TNNI1: variants seen among roughly 807,000 people sequenced by gnomAD.
TNNI1 encodes the protein troponin I, slow skeletal muscle.
In TNNI1, 14 loss-of-function variants were observed where a neutral mutation model predicts 26.7. That is an observed-to-expected ratio of 0.52 (90% confidence interval 0.35 to 0.82). The LOEUF (loss-of-function observed/expected upper bound fraction) is 0.82, where lower values mean the gene tolerates loss of function less well. Ranked by LOEUF, TNNI1 falls within the 40% of genes least tolerant of loss-of-function variation. The pLI, the probability that TNNI1 is intolerant of heterozygous loss-of-function variation, is 0.01. For missense variants in TNNI1, 164 were observed against 257.0 expected, an observed-to-expected ratio of 0.64 and a Z score of 2.47; for synonymous variants, 79 against 98.2, an observed-to-expected ratio of 0.80 and a Z score of 1.16.
Position 201,404,395 on chromosome 1 carries a change from G to C in TNNI1, c.*4858C>G, listed in dbSNP as rs1247749984. On this transcript the variant is annotated 3_prime_UTR_variant, in exon 9 of 9. Transcript: ENST00000361379. ...GCACTCTTAGGGGAAGGGAAGAAATGAATGAGGTGATAAGACCCACGCCCT... is the reference window on the plus strand; with the variant it reads ...GCACTCTTAGGGGAAGGGAAGAAATCAATGAGGTGATAAGACCCACGCCCT... 6.6e-6 allele frequency: 1 copy of C among 152,180 alleles called. No individual in the cohort carries two copies. Among genetic ancestry groups the C allele is most frequent in the African/African-American group, 2.4e-5 (1 of 41,438 alleles). The allele number at this position is 152,180 out of a possible 1,614,324, so 9.4% of individuals were successfully genotyped here.
At chr1:201,418,485 A>T (rs1453493377) in intron 1 of TNNI1, among the ~76,000 whole-genome samples, 1 of 150,196 alleles carries the variant, frequency 6.7e-6, no homozygotes, top group African/African-American at 2.5e-5. Flanking sequence ...AAAAAAAAAA[A>T]ATAAGTGAGA....
chr1:201,414,507 G>T lies in TNNI1; in HGVS notation c.189+11C>A. The stretch of plus-strand genomic sequence containing the variant: ...AGCCCCACCCTGCCCCGCCCCACCT[G>T]CCAGGCTAACCTGCAGGGCACTGAG... On this transcript the variant is annotated intron_variant, in intron 5 of 8. Coordinates refer to ENST00000361379, the MANE Select transcript of TNNI1 (RefSeq NM_003281.4). 6.4e-7 allele frequency: 1 copy of T among 1,571,918 alleles called. No homozygotes were observed. The highest frequency in any genetic ancestry group is 1.8e-5 in the Admixed American group (1 of 56,192).
At position 201,411,566 on chromosome 1, in the gene TNNI1, G is replaced by C; in HGVS notation, c.280-33C>G. 6.6e-7 allele frequency: 1 copy of C among 1,519,988 alleles called. No homozygotes were observed. The highest frequency in any genetic ancestry group is 8.8e-7 in the Non-Finnish European group (1 of 1,137,600). The allele number at this position is 1,519,988 out of a possible 1,614,324, so 94.2% of individuals were successfully genotyped here. A position where few individuals can be genotyped will look rare whatever the true frequency, so the allele number is the denominator to read the frequency against. ...TGAGAAGCGCCCGGGGCTCACTGGA[G>C]AGGCAGCTAGCCACAGGACACCCTT... On this transcript the variant is annotated intron_variant, in intron 6 of 8. Coordinates refer to ENST00000361379, the MANE Select transcript of TNNI1 (RefSeq NM_003281.4). The surrounding 1 kb of genome is among the most constrained non-coding windows in gnomAD (Gnocchi z 4.6).
At chr1:201,409,313 T>G (rs1414342992) in intron 8 of TNNI1, 63 bp from the exon 9 acceptor site, 1 of 152,268 alleles carries the variant, frequency 6.6e-6, no homozygotes, top group Non-Finnish European at 1.5e-5. Flanking sequence ...CATGAATCCC[T>G]GACTTACCTA....
At position 201,413,092 on chromosome 1, in the gene TNNI1, C is replaced by T. The variant is rs1662666125; in HGVS notation, c.219G>A (p.Val73=). 3 of 1,614,032 alleles carry T rather than the reference C, an allele frequency of 1.9e-6. No homozygotes were observed. Among genetic ancestry groups the T allele is most frequent in the Admixed American group, 1.7e-5 (1 of 60,014 alleles). ...CGTATCGCTCCTCATCCACCACCTC[C>T]ACCTTGGCGTGCAGCTCCCGGCACA... is the stretch of plus-strand genomic sequence containing the variant. ...QDLCRELHAK[V]EVVDEERYDI... is the part of the protein sequence containing the mutation. Residue 73 remains valine, a synonymous_variant, in exon 6 of 9, where the codon GTG becomes GTA. Coordinates refer to ENST00000361379, the MANE Select transcript of TNNI1 (RefSeq NM_003281.4).
In TNNI1 at chr1:201,411,119, GGTCT is replaced by G. The variant is rs1345414283; in HGVS notation, c.456+234_456+237del. Among the ~76,000 whole-genome samples the G allele has an allele frequency of 6.6e-6, 1 of 152,150 alleles. No individual in the cohort carries two copies. The highest frequency in any genetic ancestry group is 1.5e-5 in the Non-Finnish European group (1 of 68,032). On this transcript the variant is annotated intron_variant, in intron 7 of 8. Transcript: ENST00000361379. The surrounding 1 kb of genome is among the most constrained non-coding windows in gnomAD (Gnocchi z 4.6). ...ATTTTTACTTCATTTCTCCGTCTGGGGTCTAGCTTTCTTTATGTCCTAGTTTCTT... is the reference window on the plus strand; with the variant it reads ...ATTTTTACTTCATTTCTCCGTCTGGGAGCTTTCTTTATGTCCTAGTTTCTT...
chr1:201,414,698 G>A lies in TNNI1; in HGVS notation c.58-49C>T, dbSNP rs185133603. 9.6e-4 allele frequency: 1,539 copies of A among 1,594,928 alleles called. 13 individuals are homozygous for A. In the South Asian group the frequency reaches 0.012, roughly 13 times the overall value. On this transcript the variant is annotated intron_variant, in intron 4 of 8. Coordinates refer to ENST00000361379, the MANE Select transcript of TNNI1 (RefSeq NM_003281.4). ...CTGGGGGCCTCACATCTCCCACCCG[G>A]CATCAGGGAATGAGGGGAGGGCAGC...
intron 1 of TNNI1, among the ~76,000 whole-genome samples, chr1:201,418,276 C>T (rs543332364): frequency 2.0e-5 from 3 of 151,974 alleles, no homozygotes; most frequent in Admixed American, 2.0e-4. Flanking sequence ...CAAGACCAGC[C>T]TGGCCAATAT....
chr1:201,419,871 C>T (rs533976989), intron 1 of TNNI1, among the ~76,000 whole-genome samples: 31 of 152,310 alleles, frequency 2.0e-4, no homozygotes, highest in African/African-American at 6.3e-4. Flanking sequence ...GGAGACAATC[C>T]ATGAATTCCT....
intron 6 of TNNI1, 56 bp downstream of exon 6, chr1:201,412,976 G>C: frequency 6.4e-7 from 1 of 1,550,588 alleles, no homozygotes; most frequent in Non-Finnish European, 8.9e-7. Flanking sequence ...CTGCATCCGT[G>C]CCCATGCCCC....
At chr1:201,414,680 C>A in intron 4 of TNNI1, 31 bp from the exon 5 acceptor site, 2 of 1,602,464 alleles carry the variant, frequency 1.2e-6, no homozygotes, top group Non-Finnish European at 1.7e-6. Flanking sequence ...GAGCTGGGGG[C>A]CTCACATCTC....
In TNNI1 at chr1:201,404,557, G is replaced by A. The variant is rs1160443842; in HGVS notation, c.*4696C>T. 1 of 152,156 alleles carries A rather than the reference G, an allele frequency of 6.6e-6. No homozygotes were observed. The highest frequency in any genetic ancestry group is 2.4e-5 in the African/African-American group (1 of 41,404). 9.4% of individuals were successfully genotyped at this position (152,156 alleles called of 1,614,324 possible). On this transcript the variant is annotated 3_prime_UTR_variant, in exon 9 of 9. Transcript: ENST00000361379. Reference sequence around the variant, plus strand: ...CATTAGAAAACAATTGCCACCTACTGTCCTCCTATTCCATAAGTAAGGGCT... The same window carrying A: ...CATTAGAAAACAATTGCCACCTACTATCCTCCTATTCCATAAGTAAGGGCT...
At chr1:201,418,470 A>C (rs1662794877) in intron 1 of TNNI1, among the ~76,000 whole-genome samples, 1 of 128,008 alleles carries the variant, frequency 7.8e-6, no homozygotes, top group Non-Finnish European at 1.6e-5. Flanking sequence ...TCCTTCTCAA[A>C]AAAAAAAAAA....
In TNNI1 at chr1:201,414,655, C is replaced by G. The variant is rs1354393696; in HGVS notation, c.58-6G>C. Reference sequence around the variant, plus strand: ...GCCTTGGCCAGCATCAGGCTCTGGACAGGACACACCTGCTGAGCTGGGGGC... The same window carrying G: ...GCCTTGGCCAGCATCAGGCTCTGGAGAGGACACACCTGCTGAGCTGGGGGC... On this transcript the variant is annotated splice_region_variant and splice_polypyrimidine_tract_variant and intron_variant, in intron 4 of 8. Transcript: ENST00000361379. 12 of 1,611,718 alleles carry G rather than the reference C, an allele frequency of 7.4e-6. No homozygotes were observed. Among genetic ancestry groups the G allele is most frequent in the Non-Finnish European group, 1.0e-5 (12 of 1,178,810 alleles).
At chr1:201,413,400 C>G (rs1387931887) in intron 5 of TNNI1, among the ~76,000 whole-genome samples, 1 of 151,268 alleles carries the variant, frequency 6.6e-6, no homozygotes, top group Non-Finnish European at 1.5e-5. Context: ...TGCACTCCAG[C>G]CTGGTGACAG....
intron 1 of TNNI1, among the ~76,000 whole-genome samples, chr1:201,418,454 T>A (rs1662794195): frequency 7.2e-6 from 1 of 138,440 alleles, no homozygotes; most frequent in Admixed American, 7.5e-5. Context: ...GGTAACAGAA[T>A]GAGTCTCCTT....
intron 1 of TNNI1, among the ~76,000 whole-genome samples, chr1:201,418,762 T>A (rs925761482): frequency 4.6e-5 from 7 of 152,342 alleles, no homozygotes; most frequent in Admixed American, 6.5e-5. Flanking sequence ...CACCCTAGTC[T>A]GTCTTTCCCC....
chr1:201,406,899 TG>T lies in TNNI1; in HGVS notation c.*2353del. ...AACCCGATGACCTCCAGGAACCCTC[TG>T]GTTGGCTCTTCTGCCCCTCCTAGAG... On this transcript the variant is annotated 3_prime_UTR_variant, in exon 9 of 9. Transcript: ENST00000361379. 6.6e-6 allele frequency: 1 copy of T among 152,432 alleles called. No homozygotes were observed. Among genetic ancestry groups the T allele is most frequent in the African/African-American group, 2.4e-5 (1 of 41,578 alleles). 9.4% of individuals were successfully genotyped at this position (152,432 alleles called of 1,614,324 possible).
chr1:201,416,271 G>T (rs1184530095), intron 3 of TNNI1, among the ~76,000 whole-genome samples: 1 of 152,156 alleles, frequency 6.6e-6, no homozygotes, highest in African/African-American at 2.4e-5. Context: ...ATGACTCTAA[G>T]CATTACTACC....
Sources: allele counts gnomAD v4.1 joint callset (sites outside exome capture counted in the v4.1 genomes callset), GRCh38; gene constraint gnomAD v4.1.1; non-coding constraint Gnocchi (gnomAD v3.1); transcripts MANE v1.5; gene names NCBI Gene and HGNC (gene_info 2026-07-23, HGNC 2026-07-21).